Variants in DSCAML1 observed in about 807,000 individuals in gnomAD.
The protein encoded by DSCAML1 is cell adhesion molecule DSCAML1.
DSCAML1 carries 38 observed loss-of-function variants against 200.5 expected under a neutral mutation model. The observed-to-expected ratio is 0.19, with a 90% CI of 0.15 to 0.25. The LOEUF is 0.25. Among genes scored for constraint, DSCAML1 ranks in the 10% least tolerant of loss-of-function variants. The probability of loss-of-function intolerance (pLI) is 1.00; values close to 1 mark genes in which losing one functional copy is unlikely to be tolerated. For missense variants in DSCAML1, 2,223 were observed against 2,858.8 expected (o/e 0.78, Z 5.07); for synonymous variants, 1,215 against 1,165.0 (o/e 1.04, Z -0.87).
chr11:117,518,245 G>T lies in DSCAML1; in HGVS notation c.1510+221C>A, dbSNP rs1400863520. 1.3e-5 allele frequency among the ~76,000 whole-genome samples: 2 copies of T among 152,008 alleles called. No homozygotes were observed. The highest frequency in any genetic ancestry group is 4.8e-5 in the African/African-American group (2 of 41,378). On this transcript the variant is annotated intron_variant, in intron 7 of 32. Transcript: ENST00000651296. This position sits in a 1 kb window ranked among gnomAD's most constrained non-coding sequence, Gnocchi z 6.3. ...GAGGAAGGAGGAGGGGGAATGGGGA[G>T]GTGAATGAGGGTGAACTGTACCAGA...
At chr11:117,762,752 G>A (rs1299056327) in intron 3 of DSCAML1, among the ~76,000 whole-genome samples, 1 of 151,922 alleles carries the variant, frequency 6.6e-6, no homozygotes, top group East Asian at 1.9e-4. Context: ...AACCCCAGAT[G>A]CTGTGGAGGC....
At chr11:117,477,394 G>GTGTA (rs2048819416) in intron 14 of DSCAML1, among the ~76,000 whole-genome samples, 6 of 143,664 alleles carry the variant, frequency 4.2e-5, no homozygotes, top group African/African-American at 1.6e-4. Flanking sequence ...GTGTGTGTAT[G>GTGTA]TGTGTGTGTA....
chr11:117,663,316 C>T (rs1459967689), intron 3 of DSCAML1, among the ~76,000 whole-genome samples: 1 of 152,170 alleles, frequency 6.6e-6, no homozygotes, highest in East Asian at 1.9e-4. Flanking sequence ...TCCCACCTTT[C>T]CCCCAAACTG....
intron 3 of DSCAML1, among the ~76,000 whole-genome samples, chr11:117,623,592 C>T (rs750497522): frequency 2.0e-5 from 3 of 152,154 alleles, no homozygotes; most frequent in Admixed American, 6.5e-5. Context: ...GTCACTCACC[C>T]GTTGTGGAAC....
chr11:117,649,055 G>A lies in DSCAML1; in HGVS notation c.512-116533C>T, dbSNP rs1236847398. Among the ~76,000 whole-genome samples, 328 of 150,842 alleles carry A rather than the reference G, an allele frequency of 2.2e-3. 4 individuals carry two copies. In the East Asian group the frequency reaches 0.024, roughly 11 times the overall value. On this transcript the variant is annotated intron_variant, in intron 3 of 32. Coordinates refer to ENST00000651296, the MANE Select transcript of DSCAML1 (RefSeq NM_020693.4). ...TCTCCATATATATGTGTGTGTGTGT[G>A]TGTGTGTGTGTGTGTGTGTGTGTGT...
At chr11:117,704,790 C>T (rs893864887) in intron 3 of DSCAML1, among the ~76,000 whole-genome samples, 2 of 152,154 alleles carry the variant, frequency 1.3e-5, no homozygotes, top group Admixed American at 6.5e-5. Context: ...TATATTTCCC[C>T]GTGGTACCTC....
intron 3 of DSCAML1, among the ~76,000 whole-genome samples, chr11:117,565,823 C>T (rs1321581175): frequency 2.0e-5 from 3 of 152,202 alleles, no homozygotes; most frequent in East Asian, 3.8e-4. Flanking sequence ...TTGATGGCGG[C>T]GGAAGACTGA....
intron 18 of DSCAML1, among the ~76,000 whole-genome samples, chr11:117,459,823 G>A (rs1474680536): frequency 6.6e-6 from 1 of 152,204 alleles, no homozygotes; most frequent in Non-Finnish European, 1.5e-5. Flanking sequence ...AGCACCTCGC[G>A]GATGGTCCAG....
intron 14 of DSCAML1, among the ~76,000 whole-genome samples, chr11:117,477,933 G>GAGTGCAAAGCCCT (rs1447622298): frequency 1.3e-5 from 2 of 152,208 alleles, no homozygotes; most frequent in Non-Finnish European, 2.9e-5. Flanking sequence ...AGTTCTTTAA[G>GAGTGCAAAGCCCT]AGTGCAAAGC....
At chr11:117,693,089 T>A (rs945888029) in intron 3 of DSCAML1, among the ~76,000 whole-genome samples, 3 of 152,222 alleles carry the variant, frequency 2.0e-5, no homozygotes, top group Non-Finnish European at 4.4e-5. Context: ...CATTCCGTCC[T>A]CTGCTTTGGA....
chr11:117,705,863 A>G (rs960703532), intron 3 of DSCAML1, among the ~76,000 whole-genome samples: 1 of 152,102 alleles, frequency 6.6e-6, no homozygotes, highest in Non-Finnish European at 1.5e-5. Context: ...TGGAGCCTCA[A>G]TTTTCTCATT....
At chr11:117,683,206 G>A (rs990239571) in intron 3 of DSCAML1, among the ~76,000 whole-genome samples, 10 of 152,372 alleles carry the variant, frequency 6.6e-5, no homozygotes, top group African/African-American at 2.4e-4. Context: ...GTCATAAAAT[G>A]TGATGGGATG....
Position 117,438,996 on chromosome 11 carries a change from A to G in DSCAML1, c.4145-13T>C. 1 of 1,595,278 alleles carries G rather than the reference A, an allele frequency of 6.3e-7. No individual in the cohort carries two copies. The highest frequency in any genetic ancestry group is 8.5e-7 in the Non-Finnish European group (1 of 1,172,714). Reference sequence around the variant, plus strand: ...TGGTCCGGGGGAACTGTGAGGGGAAAGCCACCACCCCTTAGCACAAGGGCG... The same window carrying G: ...TGGTCCGGGGGAACTGTGAGGGGAAGGCCACCACCCCTTAGCACAAGGGCG... On this transcript the variant is annotated splice_polypyrimidine_tract_variant and intron_variant, in intron 23 of 32. Coordinates refer to ENST00000651296, the MANE Select transcript of DSCAML1 (RefSeq NM_020693.4).
At chr11:117,690,040 C>G (rs139607459) in intron 3 of DSCAML1, among the ~76,000 whole-genome samples, 1 of 152,306 alleles carries the variant, frequency 6.6e-6, no homozygotes, top group African/African-American at 2.4e-5. Context: ...ATGCTCCCAG[C>G]ACCTAGTAGG....
At chr11:117,429,727 C>T (rs138438053) in intron 32 of DSCAML1, among the ~76,000 whole-genome samples, 11 of 152,310 alleles carry the variant, frequency 7.2e-5, no homozygotes, top group South Asian at 2.1e-4. Flanking sequence ...AGACCTCCAC[C>T]GCCTGACCCC....
In DSCAML1 at chr11:117,565,778, G is replaced by C. The variant is rs112466245; in HGVS notation, c.512-33256C>G. ...TGTCTCTGGCCCAGGCTGCCCTCTA[G>C]GTGTGACAGATGCATGGCCAGGCTC... On this transcript the variant is annotated intron_variant, in intron 3 of 32. Coordinates refer to ENST00000651296, the MANE Select transcript of DSCAML1 (RefSeq NM_020693.4). Among the ~76,000 whole-genome samples the C allele has an allele frequency of 1.6e-3, 240 of 152,318 alleles. 1 individual carries two copies. Among genetic ancestry groups the C allele is most frequent in the African/African-American group, 5.4e-3 (224 of 41,556 alleles).
At chr11:117,660,516 G>T (rs557137127) in intron 3 of DSCAML1, among the ~76,000 whole-genome samples, 1 of 152,162 alleles carries the variant, frequency 6.6e-6, no homozygotes, top group Non-Finnish European at 1.5e-5. Flanking sequence ...CAAAGTCTTC[G>T]TGTAGATCTC....
At chr11:117,805,019 T>C (rs916444889) in intron 1 of DSCAML1, among the ~76,000 whole-genome samples, 1 of 152,176 alleles carries the variant, frequency 6.6e-6, no homozygotes, top group African/African-American at 2.4e-5. Flanking sequence ...ACCCCCTCAG[T>C]AGGTAGCTGA....
chr11:117,450,749 T>C (rs2048267849), intron 19 of DSCAML1, 61 bp from the exon 20 acceptor site: 3 of 1,563,932 alleles, frequency 1.9e-6, no homozygotes, highest in Non-Finnish European at 2.6e-6. Flanking sequence ...TTGGGGAAAA[T>C]GACAGAGTTG....
Sources: gnomAD v4.1 joint callset for allele counts (sites outside exome capture counted in the v4.1 genomes callset) on GRCh38, gnomAD v4.1.1 for gene constraint, Gnocchi (gnomAD v3.1) non-coding constraint, MANE v1.5 for transcripts, NCBI Gene and HGNC (gene_info 2026-07-23, HGNC 2026-07-21) for gene names.